CYP2S1: variants seen among roughly 807,000 people sequenced by gnomAD.
The protein encoded by CYP2S1 is cytochrome P450 2S1.
A neutral mutation model predicts 43.5 loss-of-function variants in CYP2S1; 32 were observed. The ratio of observed to expected loss-of-function variants is 0.74; its 90% CI spans 0.56 to 0.99. CYP2S1 has a LOEUF of 0.99. Among genes scored for constraint, CYP2S1 ranks in the 50% least tolerant of loss-of-function variants. CYP2S1 has a pLI of 0.00. For synonymous variants in CYP2S1, 283 were observed against 302.9 expected (o/e 0.93, Z 0.68); for missense variants, 575 against 673.9 (o/e 0.85, Z 1.62).
chr19:41,193,223 G>A lies in CYP2S1; in HGVS notation c.-42G>A. On this transcript the variant is annotated 5_prime_UTR_variant, in exon 1 of 9. Transcript: ENST00000310054. ...GCTCCCGCCCCTAACTAGCCCAGCC[G>A]CGCGGAGCGCCTGGGAGAGGAGAAG... 2 of 1,483,180 alleles carry A rather than the reference G, an allele frequency of 1.3e-6. No individual in the cohort carries two copies. The highest frequency in any genetic ancestry group is 1.3e-5 in the South Asian group (1 of 77,730). 91.9% of individuals were successfully genotyped at this position (1,483,180 alleles called of 1,614,324 possible).
intron 2 of CYP2S1, 101 bp downstream of exon 2, chr19:41,194,810 A>G (rs772475087): frequency 6.1e-6 from 9 of 1,480,430 alleles, no homozygotes; most frequent in Non-Finnish European, 8.1e-6. Flanking sequence ...TCATCTGTCA[A>G]ATGGAGTGAT....
chr19:41,194,415 G>A (rs1181653688), intron 1 of CYP2S1, 129 bp from the exon 2 acceptor site: 8 of 1,212,284 alleles, frequency 6.6e-6, no homozygotes, highest in Non-Finnish European at 5.5e-6. Context: ...CTGCTGGGAT[G>A]GGGGCAGGTT....
Position 41,198,575 on chromosome 19 carries a change from C to T in CYP2S1, c.607C>T (p.Arg203Trp), listed in dbSNP as rs139931280. 64 of 1,614,214 alleles carry T rather than the reference C, an allele frequency of 4.0e-5. No homozygotes were observed. Among genetic ancestry groups the T allele is most frequent in the Non-Finnish European group, 5.2e-5 (61 of 1,180,038 alleles). ...YEDKEFQAVV[R>W]AAGGTLLGVS... is the part of the protein sequence containing the mutation. The stretch of plus-strand genomic sequence containing the variant: ...GGATAAGGAGTTCCAGGCCGTGGTC[C>T]GGGCAGCTGGTGGTACCCTGCTGGG... Residue 203 changes from arginine (R) to tryptophan (W), a missense_variant, in exon 4 of 9, where the codon CGG (arginine) becomes TGG (tryptophan). Transcript: ENST00000310054. The surrounding 1 kb of genome is among the most constrained non-coding windows in gnomAD (Gnocchi z 4.9).
chr19:41,200,913 A>G (rs2033479374), intron 5 of CYP2S1, among the ~76,000 whole-genome samples: 2 of 152,122 alleles, frequency 1.3e-5, no homozygotes, highest in Non-Finnish European at 2.9e-5. Context: ...CCCCGTCTCC[A>G]TTAAATGTAC....
intron 7 of CYP2S1, among the ~76,000 whole-genome samples, chr19:41,205,325 CCTTTCTTTCTTTCTTT>C (rs2033548717): frequency 1.7e-5 from 2 of 116,322 alleles, no homozygotes; most frequent in Non-Finnish European, 3.9e-5. Flanking sequence ...CTATTCTTTG[CCTTTCTTTCTTTCTTT>C]TTTTCTTTCT....
intron 6 of CYP2S1, among the ~76,000 whole-genome samples, chr19:41,201,841 A>C (rs1416100327): frequency 2.0e-5 from 3 of 152,086 alleles, no homozygotes; most frequent in African/African-American, 7.2e-5. Flanking sequence ...TGCTGATTGC[A>C]GTATGAGGCA....
At chr19:41,204,309 C>T (rs755574252) in intron 7 of CYP2S1, among the ~76,000 whole-genome samples, 2 of 152,166 alleles carry the variant, frequency 1.3e-5, no homozygotes, top group Non-Finnish European at 2.9e-5. Flanking sequence ...AGGTAACATA[C>T]AGAGAAGCAG....
intron 7 of CYP2S1, among the ~76,000 whole-genome samples, chr19:41,205,590 TA>T (rs1156458585): frequency 1.3e-5 from 2 of 151,808 alleles, no homozygotes; most frequent in African/African-American, 2.4e-5. Context: ...GGTACAAGCA[TA>T]GCTCACAGCA....
rs536702396 is a variant in CYP2S1 at position 41,207,111 on chromosome 19, T to C, written c.*623T>C. 260 of 310,666 alleles carry C rather than the reference T, an allele frequency of 8.4e-4. No homozygotes were observed. Among genetic ancestry groups the C allele is most frequent in the African/African-American group, 5.3e-3 (246 of 46,226 alleles). The allele number at this position is 310,666 out of a possible 1,614,324, so 19.2% of individuals were successfully genotyped here. A position where few individuals can be genotyped will look rare whatever the true frequency, so the allele number is the denominator to read the frequency against. ...CATCGTCCTGGCTCCCCAGAGTATCTTCCCACTGAGACACGCCGCCCCCAC... is the reference window on the plus strand; with the variant it reads ...CATCGTCCTGGCTCCCCAGAGTATCCTCCCACTGAGACACGCCGCCCCCAC... On this transcript the variant is annotated 3_prime_UTR_variant, in exon 9 of 9. Coordinates refer to ENST00000310054, the MANE Select transcript of CYP2S1 (RefSeq NM_030622.8).
chr19:41,201,378 A>C lies in CYP2S1; in HGVS notation c.976+6A>C. ...GAAATACCCTCATGTCCAAAGTAAG[A>C]GCCTTTTCCACTTGCCAGGCCTTGG... On this transcript the variant is annotated splice_donor_region_variant and intron_variant, in intron 6 of 8. Coordinates refer to ENST00000310054, the MANE Select transcript of CYP2S1 (RefSeq NM_030622.8). 6.2e-7 allele frequency: 1 copy of C among 1,613,122 alleles called. No homozygotes were observed. The highest frequency in any genetic ancestry group is 8.5e-7 in the Non-Finnish European group (1 of 1,179,504).
intron 2 of CYP2S1, among the ~76,000 whole-genome samples, chr19:41,197,230 G>A (rs2033423945): frequency 6.6e-6 from 1 of 151,952 alleles, no homozygotes. Flanking sequence ...AAGGAGCCTG[G>A]GTCATCCCAG....
rs148075632 is a variant in CYP2S1 at position 41,201,513 on chromosome 19, C to T, written c.976+141C>T. 7,076 of 1,227,114 alleles carry T rather than the reference C, an allele frequency of 5.8e-3. 140 individuals are homozygous for T. The African/African-American group carries it at 0.062, about 11-fold the overall frequency. The allele number at this position is 1,227,114 out of a possible 1,614,324, so 76.0% of individuals were successfully genotyped here. Reference sequence around the variant, plus strand: ...TTGAGAATAGGAGTTTAAGACCAGCCTGGCCAACACAGTGAAACCCCATCT... The same window carrying T: ...TTGAGAATAGGAGTTTAAGACCAGCTTGGCCAACACAGTGAAACCCCATCT... On this transcript the variant is annotated intron_variant, in intron 6 of 8. Transcript: ENST00000310054.
At chr19:41,201,457 G>A (rs1456057737) in intron 6 of CYP2S1, 85 bp downstream of exon 6, 2 of 1,525,344 alleles carry the variant, frequency 1.3e-6, no homozygotes, top group Non-Finnish European at 1.8e-6. Flanking sequence ...TATAATCCCA[G>A]CACTTTGGGA....
In CYP2S1 at chr19:41,198,618, G is replaced by T. The variant is rs754116513; in HGVS notation, c.650G>T (p.Gly217Val). 2 of 1,614,104 alleles carry T rather than the reference G, an allele frequency of 1.2e-6. No individual in the cohort carries two copies. Among genetic ancestry groups the T allele is most frequent in the South Asian group, 1.1e-5 (1 of 91,086 alleles). Residue 217 changes from glycine to valine, a missense_variant, in exon 4 of 9, where the codon GGT becomes GTT. By Grantham distance (109) the Gly-to-Val change is moderately radical (BLOSUM62 -3). This residue lies in a region of CYP2S1 where 353 missense variants were observed against 367.6 expected (regional missense o/e 0.96). Coordinates refer to ENST00000310054, the MANE Select transcript of CYP2S1 (RefSeq NM_030622.8). This position sits in a 1 kb window ranked among gnomAD's most constrained non-coding sequence, Gnocchi z 4.9. ...CTGCTGGGAGTCAGCTCCCAGGGGG[G>T]TCAGGTGAGTGGGTGGGACCCCTCT... ...GTLLGVSSQG[G>V]QTYEMFSWFL...
rs1472711168 is a variant in CYP2S1 at position 41,198,704 on chromosome 19, C to T, written c.655-5C>T. 1 of 1,613,768 alleles carries T rather than the reference C, an allele frequency of 6.2e-7. No individual in the cohort carries two copies. Among genetic ancestry groups the T allele is most frequent in the African/African-American group, 1.3e-5 (1 of 74,936 alleles). On this transcript the variant is annotated splice_polypyrimidine_tract_variant and splice_region_variant and intron_variant, in intron 4 of 8. Coordinates refer to ENST00000310054, the MANE Select transcript of CYP2S1 (RefSeq NM_030622.8). The surrounding 1 kb of genome is among the most constrained non-coding windows in gnomAD (Gnocchi z 4.9). ...CATGAGAACTAGCTGCCCTTCTCCC[C>T]ACAGACCTACGAGATGTTCTCCTGG...
At position 41,206,941 on chromosome 19, in the gene CYP2S1, C is replaced by T. The variant is rs2122173550; in HGVS notation, c.*453C>T. On this transcript the variant is annotated 3_prime_UTR_variant, in exon 9 of 9. Coordinates refer to ENST00000310054, the MANE Select transcript of CYP2S1 (RefSeq NM_030622.8). ...TGCCTGGCACAGGGAACAGCATGCC[C>T]CCTCCGGGGTCATGCCACCCAGAGA... The T allele has an allele frequency of 2.6e-6, 1 of 382,624 alleles. No individual in the cohort carries two copies. The highest frequency in any genetic ancestry group is 2.1e-5 in the African/African-American group (1 of 47,924). The allele number at this position is 382,624 out of a possible 1,614,324, so 23.7% of individuals were successfully genotyped here. A position where few individuals can be genotyped will look rare whatever the true frequency, so the allele number is the denominator to read the frequency against.
At chr19:41,196,496 G>T (rs566166973) in intron 2 of CYP2S1, among the ~76,000 whole-genome samples, 1 of 152,278 alleles carries the variant, frequency 6.6e-6, no homozygotes, top group African/African-American at 2.4e-5. Context: ...GGAGGATCCA[G>T]GGTGATGGGG....
chr19:41,196,316 G>T (rs116652133), intron 2 of CYP2S1, among the ~76,000 whole-genome samples: 90 of 152,254 alleles, frequency 5.9e-4, no homozygotes, highest in African/African-American at 2.1e-3. Flanking sequence ...GAGAAGCCAG[G>T]GAAATCCCTG....
Position 41,206,636 on chromosome 19 carries a change from C to T in CYP2S1, c.*148C>T, listed in dbSNP as rs1284170468. 3.0e-6 allele frequency: 3 copies of T among 996,262 alleles called. No homozygotes were observed. Among genetic ancestry groups the T allele is most frequent in the Admixed American group, 3.4e-5 (2 of 59,196 alleles). 61.7% of individuals were successfully genotyped at this position (996,262 alleles called of 1,614,324 possible). On this transcript the variant is annotated 3_prime_UTR_variant, in exon 9 of 9. Coordinates refer to ENST00000310054, the MANE Select transcript of CYP2S1 (RefSeq NM_030622.8). ...TGTTTTCCGGAGTCTGTCCCACGGC[C>T]CACACGCTCACTTGACTCATGCTGC...
Sources: gnomAD v4.1 joint callset for allele counts (sites outside exome capture counted in the v4.1 genomes callset) on GRCh38, gnomAD v4.1.1 for gene constraint, gnomAD v4.1.1 regional missense constraint, Gnocchi (gnomAD v3.1) non-coding constraint, MANE v1.5 for transcripts, NCBI Gene and HGNC (gene_info 2026-07-23, HGNC 2026-07-21) for gene names.